The following C3orf49 variants were observed in gnomAD, a reference collection of about 807,000 sequenced individuals.
The protein encoded by C3orf49 is putative uncharacterized protein C3orf49.
Under a neutral mutation model 13.3 loss-of-function variants are expected in C3orf49, and 27 were observed. The ratio of observed to expected loss-of-function variants is 2.02; its 90% confidence interval spans 1.49 to 2.79. The LOEUF is 2.79. Among genes scored for constraint, C3orf49 ranks in the 30% most tolerant of loss-of-function variants. C3orf49 has a pLI of 0.00. For missense variants in C3orf49, 242 were observed against 134.2 expected (o/e 1.80, Z -3.97); for synonymous variants, 87 against 47.6 (o/e 1.83, Z -3.40).
chr3:63,836,456 C>T, intron 5 of C3orf49: 1 of 1,091,554 alleles, frequency 9.2e-7, no homozygotes, highest in African/African-American at 1.6e-5. Context: ...AATCACTTTC[C>T]TAGTACATCA....
Position 63,823,506 on chromosome 3 carries a change from A to T in C3orf49, c.382A>T (p.Ile128Phe). The change falls in exon 2 of 7, where the codon ATT becomes TTT. Residue 128 changes from isoleucine to phenylalanine, a missense_variant. Ile to Phe is a conservative substitution (Grantham distance 21, BLOSUM62 0). Transcript: ENST00000295896. ...AAACACGCAGAGCCTTCTCCCTAGG[A>T]TTGTCAAGGAGTTTTCATCTCCCAA... ...LSNTQSLLPR[I>F]VKEFSSPKLF... 1.4e-6 allele frequency: 1 copy of T among 702,886 alleles called. No individual in the cohort carries two copies. The highest frequency in any genetic ancestry group is 2.6e-6 in the Non-Finnish European group (1 of 384,952). 43.5% of individuals were successfully genotyped at this position (702,886 alleles called of 1,614,324 possible).
the C3orf49 span, among the ~76,000 whole-genome samples, chr3:63,786,649 C>T: frequency 6.6e-6 from 1 of 152,184 alleles, no homozygotes; most frequent in African/African-American, 2.4e-5. Flanking sequence ...TTTTCTTAAC[C>T]TGTCTTTGAT....
intron 5 of C3orf49, among the ~76,000 whole-genome samples, chr3:63,842,087 T>TA (rs1179064342): frequency 6.6e-6 from 1 of 152,160 alleles, no homozygotes; most frequent in African/African-American, 2.4e-5. Flanking sequence ...TAAGAGAGAT[T>TA]AAAGTTTGAT....
Position 63,831,822 on chromosome 3 carries a change from T to C in C3orf49, c.827T>C (p.Met276Thr), listed in dbSNP as rs964761583. The C allele has an allele frequency of 4.9e-5, 34 of 697,982 alleles. No homozygotes were observed. Among genetic ancestry groups the C allele is most frequent in the Non-Finnish European group, 8.1e-5 (31 of 383,886 alleles). 43.2% of individuals were successfully genotyped at this position (697,982 alleles called of 1,614,324 possible). ...TTCCAGAGGATATCCAAGAGAACCA[T>C]GAGGAAGTATAAATTAAAAAATGTG... ...KQFQRISKRT[M>T]RKYKLKNMTT... Residue 276 changes from methionine (M) to threonine (T), a missense_variant, in exon 5 of 7, where the codon ATG becomes ACG. Met to Thr is a moderately conservative substitution (Grantham distance 81). Transcript: ENST00000295896.
the C3orf49 span, among the ~76,000 whole-genome samples, chr3:63,794,085 G>T: frequency 3.2e-4 from 49 of 152,032 alleles, no homozygotes; most frequent in South Asian, 9.3e-3. Context: ...AGCCTGGGAG[G>T]TTGAGACTTC....
chr3:63,837,901 C>G (rs1160825190), intron 5 of C3orf49: 1 of 1,355,046 alleles, frequency 7.4e-7, no homozygotes, highest in East Asian at 2.5e-5. Context: ...GATTTTACCT[C>G]ACAACATTAA....
chr3:63,846,635 T>C (rs1017238740), intron 6 of C3orf49, among the ~76,000 whole-genome samples: 1 of 152,010 alleles, frequency 6.6e-6, no homozygotes, highest in African/African-American at 2.4e-5. Context: ...GTTCTCAAAC[T>C]CCTGACCTCA....
At chr3:63,836,487 A>T in intron 5 of C3orf49, 1 of 807,828 alleles carries the variant, frequency 1.2e-6, no homozygotes, top group Admixed American at 2.3e-5. Flanking sequence ...TCACTGAAAG[A>T]TGAGTATTGC....
chr3:63,835,336 A>G, intron 5 of C3orf49: 2 of 1,613,530 alleles, frequency 1.2e-6, no homozygotes, highest in Non-Finnish European at 1.7e-6. Flanking sequence ...TATCTTCAAC[A>G]CTTTCTTTAA....
At chr3:63,814,131 G>T in the C3orf49 span, among the ~76,000 whole-genome samples, 2 of 152,120 alleles carry the variant, frequency 1.3e-5, no homozygotes. Context: ...ATGCTTGTGA[G>T]TATGTTTAAC....
the C3orf49 span, among the ~76,000 whole-genome samples, chr3:63,809,411 T>G: frequency 6.6e-6 from 1 of 152,194 alleles, no homozygotes; most frequent in Non-Finnish European, 1.5e-5. Context: ...AAAAGAAAAT[T>G]AACACAGAGG....
At chr3:63,842,467 G>A (rs2107133159) in intron 5 of C3orf49, among the ~76,000 whole-genome samples, 1 of 152,276 alleles carries the variant, frequency 6.6e-6, no homozygotes, top group African/African-American at 2.4e-5. Context: ...ACTGATCAAT[G>A]AGTGAATAAA....
At chr3:63,781,650 G>A in the C3orf49 span, among the ~76,000 whole-genome samples, 3 of 152,100 alleles carry the variant, frequency 2.0e-5, no homozygotes, top group Non-Finnish European at 4.4e-5. Context: ...TAATAAACTT[G>A]TTTAAAAAGG....
At chr3:63,812,841 A>G in the C3orf49 span, among the ~76,000 whole-genome samples, 3 of 152,226 alleles carry the variant, frequency 2.0e-5, no homozygotes, top group Admixed American at 6.5e-5. Context: ...AGTAAAGTCT[A>G]TAAAGTAAAA....
chr3:63,784,899 C>T, the C3orf49 span: 2 of 152,052 alleles, frequency 1.3e-5, no homozygotes, highest in African/African-American at 4.8e-5. Flanking sequence ...TTGCTTTCTT[C>T]CTTCCTTGCT....
At chr3:63,835,211 G>A (rs1390548298) in intron 5 of C3orf49, 2 of 1,613,410 alleles carry the variant, frequency 1.2e-6, no homozygotes, top group Non-Finnish European at 1.7e-6. Flanking sequence ...AACTGTTTCC[G>A]TCTCAATTCC....
At chr3:63,844,440 C>T (rs1701842293) in intron 5 of C3orf49, among the ~76,000 whole-genome samples, 1 of 152,176 alleles carries the variant, frequency 6.6e-6, no homozygotes, top group Non-Finnish European at 1.5e-5. Context: ...TGTATATATA[C>T]TCCAACACAT....
At chr3:63,840,608 A>T (rs1701735505) in intron 5 of C3orf49, among the ~76,000 whole-genome samples, 1 of 152,204 alleles carries the variant, frequency 6.6e-6, no homozygotes, top group Non-Finnish European at 1.5e-5. Flanking sequence ...AGAAAAAAAT[A>T]AAAAATAAAA....
the C3orf49 span, among the ~76,000 whole-genome samples, chr3:63,805,810 C>A: frequency 6.6e-6 from 1 of 152,144 alleles, no homozygotes; most frequent in African/African-American, 2.4e-5. Context: ...ATCTCTATTA[C>A]TACTTAAACA....
Sources: gnomAD v4.1 joint callset for allele counts (sites outside exome capture counted in the v4.1 genomes callset) on GRCh38, gnomAD v4.1.1 for gene constraint, MANE v1.5 for transcripts, NCBI Gene and HGNC (gene_info 2026-07-23, HGNC 2026-07-21) for gene names.